The following CADM2 variants were observed in gnomAD, a reference collection of about 807,000 sequenced individuals.
CADM2 encodes cell adhesion molecule 2.
Under a neutral mutation model 49.8 loss-of-function variants are expected in CADM2, and 12 were observed. That is an observed-to-expected ratio of 0.24 (90% CI 0.15 to 0.39). CADM2 has a LOEUF of 0.39. CADM2 is among the 10% of genes least tolerant of loss of function. The probability of loss-of-function intolerance (pLI) is 1.00; values close to 1 mark genes in which losing one functional copy is unlikely to be tolerated. For synonymous variants in CADM2, 214 were observed against 175.4 expected (o/e 1.22, Z -1.74); for missense variants, 378 against 492.3 (o/e 0.77, Z 2.20).
intron 1 of CADM2, among the ~76,000 whole-genome samples, chr3:85,458,202 C>T (rs1012389074): frequency 2.0e-5 from 3 of 152,206 alleles, no homozygotes; most frequent in African/African-American, 7.2e-5. Context: ...ATCTGTCTCT[C>T]CTGCTGAATA....
intron 1 of CADM2, among the ~76,000 whole-genome samples, chr3:85,279,052 G>T (rs1403146046): frequency 6.6e-6 from 1 of 151,360 alleles, no homozygotes; most frequent in Non-Finnish European, 1.5e-5. Flanking sequence ...AAAGAGAGAT[G>T]CATATACTGA....
At chr3:85,494,763 A>G (rs1576654999) in intron 1 of CADM2, among the ~76,000 whole-genome samples, 1 of 152,134 alleles carries the variant, frequency 6.6e-6, no homozygotes, top group African/African-American at 2.4e-5. Context: ...TAATTAACAT[A>G]AGCTCTTCAA....
At chr3:85,057,456 C>T (rs1055695521) in intron 1 of CADM2, among the ~76,000 whole-genome samples, 1 of 151,970 alleles carries the variant, frequency 6.6e-6, no homozygotes, top group African/African-American at 2.4e-5. Flanking sequence ...TTAGAATATA[C>T]TAACAGTGAT....
At chr3:85,042,883 T>G (rs975294469) in intron 1 of CADM2, among the ~76,000 whole-genome samples, 3 of 152,158 alleles carry the variant, frequency 2.0e-5, no homozygotes, top group Admixed American at 2.0e-4. Flanking sequence ...GACAGATTAA[T>G]AGGCGGTAAA....
intron 1 of CADM2, among the ~76,000 whole-genome samples, chr3:85,375,499 A>C (rs1299959356): frequency 6.6e-6 from 1 of 152,206 alleles, no homozygotes; most frequent in African/African-American, 2.4e-5. Flanking sequence ...CAGTAATTTC[A>C]CTTGGAAATT....
At chr3:85,619,743 T>C (rs1385840380) in intron 1 of CADM2, among the ~76,000 whole-genome samples, 1 of 152,174 alleles carries the variant, frequency 6.6e-6, no homozygotes, top group East Asian at 1.9e-4. Context: ...CTTAAAATTA[T>C]TTTTGTCCCA....
chr3:85,357,854 G>A (rs1017520919), intron 1 of CADM2, among the ~76,000 whole-genome samples: 9 of 152,098 alleles, frequency 5.9e-5, no homozygotes, highest in African/African-American at 2.2e-4. Context: ...CTAAGGGAAT[G>A]AGTCACATCA....
chr3:85,880,742 T>C (rs1272833558), intron 3 of CADM2, among the ~76,000 whole-genome samples: 2 of 152,204 alleles, frequency 1.3e-5, no homozygotes, highest in African/African-American at 4.8e-5. Context: ...TTTCATCTAG[T>C]TTTCACAGTA....
chr3:85,696,056 T>C (rs1418685997), intron 1 of CADM2, among the ~76,000 whole-genome samples: 1 of 152,144 alleles, frequency 6.6e-6, no homozygotes, highest in Non-Finnish European at 1.5e-5. Flanking sequence ...TTATTTTCCA[T>C]TTGTATATCT....
At chr3:86,023,368 G>GT (rs376773534) in intron 8 of CADM2, among the ~76,000 whole-genome samples, 3 of 124,002 alleles carry the variant, frequency 2.4e-5, no homozygotes, top group Non-Finnish European at 5.3e-5. Flanking sequence ...TTGTTTGTTT[G>GT]TTTGTTTTGT....
At chr3:85,344,596 G>A (rs527485425) in intron 1 of CADM2, among the ~76,000 whole-genome samples, 4 of 151,706 alleles carry the variant, frequency 2.6e-5, no homozygotes, top group East Asian at 3.9e-4. Flanking sequence ...ATGAAGTCAC[G>A]TGTATGAGAG....
At chr3:85,569,896 A>C (rs1286821690) in intron 1 of CADM2, among the ~76,000 whole-genome samples, 2 of 152,086 alleles carry the variant, frequency 1.3e-5, no homozygotes, top group Admixed American at 1.3e-4. Flanking sequence ...ATTTGTATAT[A>C]ATTCTCGATT....
chr3:85,993,962 A>G (rs1729073126), intron 8 of CADM2: 2 of 152,180 alleles, frequency 1.3e-5, no homozygotes, highest in Admixed American at 1.3e-4. Context: ...AGAATGGTAA[A>G]TGAACATTGG....
At chr3:86,059,800 TATCCTCA>T (rs1342512573) in intron 8 of CADM2, among the ~76,000 whole-genome samples, 1 of 152,176 alleles carries the variant, frequency 6.6e-6, no homozygotes, top group Admixed American at 6.5e-5. Context: ...AGGTAATACT[TATCCTCA>T]ATCCCAAACA....
intron 8 of CADM2, among the ~76,000 whole-genome samples, chr3:86,061,566 A>C (rs1181943082): frequency 6.6e-6 from 1 of 152,182 alleles, no homozygotes; most frequent in Non-Finnish European, 1.5e-5. Context: ...ATGACAATAA[A>C]GATTTGTATG....
intron 1 of CADM2, among the ~76,000 whole-genome samples, chr3:85,392,222 T>G (rs1405867040): frequency 6.6e-6 from 1 of 152,080 alleles, no homozygotes; most frequent in Non-Finnish European, 1.5e-5. Flanking sequence ...AATATTAAAG[T>G]ATGAGAAAAA....
At chr3:85,728,349 G>A (rs7651725) in intron 2 of CADM2, among the ~76,000 whole-genome samples, 2 of 151,960 alleles carry the variant, frequency 1.3e-5, no homozygotes, top group African/African-American at 2.4e-5. Flanking sequence ...ATAGCTTTCC[G>A]CATGCTTATA....
In CADM2 at chr3:85,497,394, G is replaced by T. The variant is rs569659265; in HGVS notation, c.62-229128G>T. 3.3e-5 allele frequency among the ~76,000 whole-genome samples: 5 copies of T among 151,812 alleles called. No individual in the cohort carries two copies. The South Asian group carries it at 8.4e-4, about 25-fold the overall frequency. ...ATAGGCGTCATTACATTTGAAATTG[G>T]CCTCTTGCAGTAGCAGAAAGAAGGG... On this transcript the variant is annotated intron_variant, in intron 1 of 9. Transcript: ENST00000383699.
At chr3:85,551,749 A>ATTT (rs1183395415) in intron 1 of CADM2, among the ~76,000 whole-genome samples, 1 of 152,150 alleles carries the variant, frequency 6.6e-6, no homozygotes, top group Non-Finnish European at 1.5e-5. Flanking sequence ...TGAAAATCTA[A>ATTT]TGTAAACTCT....
Sources: allele counts gnomAD v4.1 joint callset (sites outside exome capture counted in the v4.1 genomes callset), GRCh38; gene constraint gnomAD v4.1.1; transcripts MANE v1.5; gene names NCBI Gene and HGNC (gene_info 2026-07-23, HGNC 2026-07-21).